The following ACSM2A variants were observed in gnomAD, a reference collection of about 807,000 sequenced individuals.
ACSM2A encodes acyl-CoA synthetase medium chain family member 2A.
ACSM2A carries 72 observed loss-of-function variants against 76.6 expected under a neutral mutation model. The ratio of observed to expected loss-of-function variants is 0.94; its 90% CI spans 0.78 to 1.14. The LOEUF (loss-of-function observed/expected upper bound fraction) is 1.14. Ranked by LOEUF, ACSM2A falls within the 50% of genes most tolerant of loss-of-function variation. The pLI is 0.00. For missense variants in ACSM2A, 684 were observed against 708.5 expected (o/e 0.97, Z 0.39); for synonymous variants, 249 against 255.9 (o/e 0.97, Z 0.26).
chr16:20,460,358 T>G, intron 2 of ACSM2A, 67 bp downstream of exon 2: 1 of 1,531,804 alleles, frequency 6.5e-7, no homozygotes. Flanking sequence ...ATCCATTAAT[T>G]CAGTAAATAT....
At position 20,464,265 on chromosome 16, in the gene ACSM2A, C is replaced by T. The variant is rs565087647; in HGVS notation, c.178-1252C>T. ...TGACCTAGTTCCAGAGTTAGTTCTA[C>T]ATTTTCAGGTATCTTTACAGCAATA... On this transcript the variant is annotated intron_variant, in intron 2 of 13. Transcript: ENST00000573854. Among the ~76,000 whole-genome samples the T allele has an allele frequency of 3.9e-5, 6 of 152,300 alleles. No individual in the cohort carries two copies. The East Asian group carries it at 9.6e-4, about 24-fold the overall frequency.
chr16:20,476,615 C>T (rs1485337586), intron 8 of ACSM2A: 5 of 985,714 alleles, frequency 5.1e-6, no homozygotes, highest in Admixed American at 6.1e-5. Flanking sequence ...TACAAGGACA[C>T]TCAGGTTCCC....
chr16:20,457,270 G>A (rs895481968), intron 1 of ACSM2A, among the ~76,000 whole-genome samples: 3 of 151,818 alleles, frequency 2.0e-5, no homozygotes, highest in Admixed American at 6.6e-5. Flanking sequence ...TCCTATCGAC[G>A]CTATTCCACA....
intron 2 of ACSM2A, among the ~76,000 whole-genome samples, 153 bp from the exon 3 acceptor site, chr16:20,465,364 G>C (rs77888654): frequency 0.16 from 24,456 of 151,860 alleles, 2,418 homozygotes; most frequent in East Asian, 0.39. Context: ...TAAATAACAA[G>C]TCTTTAGAAT....
intron 3 of ACSM2A, among the ~76,000 whole-genome samples, chr16:20,469,309 C>T (rs1012544858): frequency 6.6e-6 from 1 of 152,018 alleles, no homozygotes; most frequent in Non-Finnish European, 1.5e-5. Context: ...TCAGTAGGGC[C>T]CTTAAGACTC....
chr16:20,477,127 T>C (rs1335367236), intron 8 of ACSM2A: 3 of 536,912 alleles, frequency 5.6e-6, no homozygotes, highest in Non-Finnish European at 5.9e-6. Flanking sequence ...TATAATGTGA[T>C]TGTTAGGTCC....
chr16:20,467,575 A>T (rs1435852300), intron 3 of ACSM2A, among the ~76,000 whole-genome samples: 1 of 152,168 alleles, frequency 6.6e-6, no homozygotes, highest in Non-Finnish European at 1.5e-5. Context: ...GTGAACTAAT[A>T]ACAGGGTTAT....
intron 13 of ACSM2A, among the ~76,000 whole-genome samples, chr16:20,485,203 T>C (rs2014318214): frequency 6.6e-6 from 1 of 152,180 alleles, no homozygotes; most frequent in Non-Finnish European, 1.5e-5. Flanking sequence ...ACCAAAGATA[T>C]TACGAATGTT....
intron 1 of ACSM2A, among the ~76,000 whole-genome samples, 197 bp downstream of exon 1, chr16:20,451,878 C>G (rs1221643858): frequency 6.9e-6 from 1 of 145,122 alleles, no homozygotes; most frequent in African/African-American, 2.6e-5. Context: ...ATGGCAGCAA[C>G]AGGGAGAGAC....
rs182151770 is a variant in ACSM2A, at chr16:20,476,099, G to A, written c.1098+326G>A. 8 of 1,084,166 alleles carry A rather than the reference G, an allele frequency of 7.4e-6. No homozygotes were observed. In the Admixed American group the frequency reaches 3.7e-4, roughly 50 times the overall value. 67.2% of individuals were successfully genotyped at this position (1,084,166 alleles called of 1,614,324 possible). A position where few individuals can be genotyped will look rare whatever the true frequency, so the allele number is the denominator to read the frequency against. ...GTGAGAAGTTGGTAAATCAGATATG[G>A]TAGTCAGAAAATTCCTCTGTGATGG... On this transcript the variant is annotated intron_variant, in intron 8 of 13. Transcript: ENST00000573854.
chr16:20,467,146 G>A (rs548838492), intron 3 of ACSM2A, among the ~76,000 whole-genome samples: 7 of 152,280 alleles, frequency 4.6e-5, no homozygotes, highest in African/African-American at 1.7e-4. Flanking sequence ...CCACAGAGGA[G>A]GGAAACTTGA....
chr16:20,475,155 T>C (rs1478181872), intron 6 of ACSM2A, among the ~76,000 whole-genome samples: 1 of 152,194 alleles, frequency 6.6e-6, no homozygotes, highest in Admixed American at 6.5e-5. Context: ...TTCACTACAA[T>C]AATATGTATT....
At position 20,480,563 on chromosome 16, in the gene ACSM2A, T is replaced by C. The variant is rs1174256823; in HGVS notation, c.1282-10T>C. On this transcript the variant is annotated splice_polypyrimidine_tract_variant and intron_variant, in intron 10 of 13. Transcript: ENST00000573854. The stretch of plus-strand genomic sequence containing the variant: ...CAGGCACAATGACTCTGTCTTTCTG[T>C]GGTCACCAGGACAATCCCGACAAGA... 5 of 1,613,072 alleles carry C rather than the reference T, an allele frequency of 3.1e-6. No individual in the cohort carries two copies. The highest frequency in any genetic ancestry group is 4.2e-6 in the Non-Finnish European group (5 of 1,179,540).
chr16:20,478,225 T>A (rs1359366348), intron 9 of ACSM2A, among the ~76,000 whole-genome samples: 1 of 152,170 alleles, frequency 6.6e-6, no homozygotes, highest in Admixed American at 6.5e-5. Context: ...AGTCAGCTAG[T>A]AAGGTAGCAG....
chr16:20,486,916 A>C lies in ACSM2A; in HGVS notation c.*238A>C, dbSNP rs2152124473. The C allele has an allele frequency of 2.3e-6, 1 of 432,742 alleles. No individual in the cohort carries two copies. Among genetic ancestry groups the C allele is most frequent in the African/African-American group, 2.0e-5 (1 of 49,560 alleles). The allele number at this position is 432,742 out of a possible 1,614,324, so 26.8% of individuals were successfully genotyped here. A position where few individuals can be genotyped will look rare whatever the true frequency, so the allele number is the denominator to read the frequency against. On this transcript the variant is annotated 3_prime_UTR_variant, in exon 14 of 14. Coordinates refer to ENST00000573854, the MANE Select transcript of ACSM2A (RefSeq NM_001308172.2). The stretch of plus-strand genomic sequence containing the variant: ...GAAAAAAAGGAAAGAAAAGTAAGTC[A>C]GGGAAATATTAAAACTGCAAGGGAA...
intron 6 of ACSM2A, 69 bp from the exon 7 acceptor site, chr16:20,475,293 C>G: frequency 6.2e-7 from 1 of 1,610,970 alleles, no homozygotes. Context: ...ACAATTGTAA[C>G]CACTGTGCAT....
chr16:20,469,890 T>G (rs1475097705), intron 4 of ACSM2A, among the ~76,000 whole-genome samples, 171 bp downstream of exon 4: 2 of 150,592 alleles, frequency 1.3e-5, no homozygotes, highest in African/African-American at 4.9e-5. Flanking sequence ...TTTTTTTTTT[T>G]TTTTTTCAAA....
intron 8 of ACSM2A, chr16:20,477,084 T>A (rs1311116758): frequency 5.5e-6 from 2 of 361,966 alleles, no homozygotes; most frequent in Non-Finnish European, 9.2e-6. Context: ...ATCCATAGTG[T>A]CGTATTAAAA....
intron 1 of ACSM2A, among the ~76,000 whole-genome samples, chr16:20,457,210 T>C (rs898877232): frequency 3.9e-5 from 6 of 152,042 alleles, no homozygotes; most frequent in Middle Eastern, 3.4e-3. Context: ...CATGACCAGA[T>C]GAATTCACAG....
Sources: gnomAD v4.1 joint callset for allele counts (sites outside exome capture counted in the v4.1 genomes callset) on GRCh38, gnomAD v4.1.1 for gene constraint, MANE v1.5 for transcripts, NCBI Gene and HGNC (gene_info 2026-07-23, HGNC 2026-07-21) for gene names.